Variants in TCEA3 observed in about 807,000 individuals in gnomAD.
TCEA3 encodes the protein transcription elongation factor A3.
TCEA3 carries 36 observed loss-of-function variants against 44.0 expected under a neutral mutation model. The ratio of observed to expected loss-of-function variants is 0.82; its 90% confidence interval spans 0.63 to 1.08. The LOEUF (loss-of-function observed/expected upper bound fraction) is 1.08, where lower values mean the gene tolerates loss of function less well. Among genes scored for constraint, TCEA3 ranks in the 50% least tolerant of loss-of-function variants. The pLI, the probability that TCEA3 is intolerant of heterozygous loss-of-function variation, is 0.00. For missense variants in TCEA3, 392 were observed against 441.2 expected, an observed-to-expected ratio of 0.89 and a Z score of 1.00; for synonymous variants, 162 against 159.7, an observed-to-expected ratio of 1.01 and a Z score of -0.11.
intron 5 of TCEA3, among the ~76,000 whole-genome samples, chr1:23,405,230 A>G (rs1045492108): frequency 6.6e-6 from 1 of 152,210 alleles, no homozygotes; most frequent in African/African-American, 2.4e-5. Context: ...CAATGAATGG[A>G]TGAAAGAACG....
intron 5 of TCEA3, among the ~76,000 whole-genome samples, chr1:23,400,373 C>T (rs1457103032): frequency 5.2e-5 from 7 of 133,494 alleles, no homozygotes; most frequent in African/African-American, 1.8e-4. Flanking sequence ...CCACACCAGG[C>T]TTTTTTTTTT....
intron 8 of TCEA3, among the ~76,000 whole-genome samples, chr1:23,390,195 G>A (rs902512957): frequency 2.6e-5 from 4 of 152,282 alleles, no homozygotes; most frequent in African/African-American, 4.8e-5. Flanking sequence ...AGGGCCGGGC[G>A]CAGTGGCTCA....
intron 10 of TCEA3, among the ~76,000 whole-genome samples, chr1:23,382,713 G>C (rs1570211945): frequency 6.6e-6 from 1 of 152,278 alleles, no homozygotes; most frequent in East Asian, 1.9e-4. Flanking sequence ...CAGCTCTGTG[G>C]GCTAGATATG....
chr1:23,397,497 C>G lies in TCEA3; in HGVS notation c.664+48G>C, dbSNP rs777990961. ...AGCTCGCTTGCACCTTGGATGGGTG[C>G]TGCTAGACGGTGCAGACACCCACAG... On this transcript the variant is annotated intron_variant, in intron 7 of 10. Transcript: ENST00000450454. 1.9e-5 allele frequency: 30 copies of G among 1,573,700 alleles called. No homozygotes were observed. In the South Asian group the frequency reaches 3.3e-4, roughly 17 times the overall value.
intron 5 of TCEA3, among the ~76,000 whole-genome samples, chr1:23,399,144 G>GTA (rs60424866): frequency 0.096 from 5,834 of 60,844 alleles, 259 homozygotes; most frequent in Admixed American, 0.14. Flanking sequence ...ATGTATATAT[G>GTA]TATATATATA....
At chr1:23,404,751 G>T (rs1159832475) in intron 5 of TCEA3, among the ~76,000 whole-genome samples, 1 of 152,004 alleles carries the variant, frequency 6.6e-6, no homozygotes, top group East Asian at 1.9e-4. Context: ...TTGAGCCCAG[G>T]AGTTCGAGAC....
At chr1:23,401,079 C>A (rs988856170) in intron 5 of TCEA3, among the ~76,000 whole-genome samples, 2 of 152,166 alleles carry the variant, frequency 1.3e-5, no homozygotes, top group Non-Finnish European at 2.9e-5. Context: ...CAGAGAATCC[C>A]ATCCAACATC....
chr1:23,422,968 G>GAATTTC (rs1398860390), intron 1 of TCEA3, among the ~76,000 whole-genome samples: 2 of 152,176 alleles, frequency 1.3e-5, no homozygotes, highest in Admixed American at 1.3e-4. Flanking sequence ...CAGGGGCCCA[G>GAATTTC]AATTTCTTTC....
At chr1:23,396,541 A>C (rs1313375002) in intron 7 of TCEA3, among the ~76,000 whole-genome samples, 2 of 152,086 alleles carry the variant, frequency 1.3e-5, no homozygotes, top group African/African-American at 4.8e-5. Flanking sequence ...AATACATGGA[A>C]TCCAAAGACA....
rs1281217652 is a variant in TCEA3, at chr1:23,408,734, A to G, written c.381-8T>C. 6.2e-7 allele frequency: 1 copy of G among 1,603,696 alleles called. No homozygotes were observed. Among genetic ancestry groups the G allele is most frequent in the Non-Finnish European group, 8.5e-7 (1 of 1,174,964 alleles). On this transcript the variant is annotated splice_region_variant and splice_polypyrimidine_tract_variant and intron_variant, in intron 4 of 10. Coordinates refer to ENST00000450454, the MANE Select transcript of TCEA3 (RefSeq NM_003196.3). ...GAGTCCACAGAGTCTCTCCTGAAAG[A>G]AGAAAATTGGCAAGGAGACTGCTTT... is the stretch of plus-strand genomic sequence containing the variant.
chr1:23,398,305 G>A (rs1639281640), intron 5 of TCEA3, among the ~76,000 whole-genome samples: 1 of 152,198 alleles, frequency 6.6e-6, no homozygotes, highest in South Asian at 2.1e-4. Context: ...ACTCATTATA[G>A]AACAGTGTAA....
chr1:23,397,062 A>G (rs1025080536), intron 7 of TCEA3, among the ~76,000 whole-genome samples: 4 of 151,998 alleles, frequency 2.6e-5, no homozygotes, highest in Non-Finnish European at 5.9e-5. Flanking sequence ...GGAGAAGGGA[A>G]AAGGCTGAGC....
chr1:23,417,510 A>C, intron 3 of TCEA3, 120 bp from the exon 4 acceptor site: 1 of 1,400,018 alleles, frequency 7.1e-7, no homozygotes, highest in South Asian at 1.5e-5. Context: ...CACTCCCAAC[A>C]CACACACAAA....
At chr1:23,407,758 T>C (rs749116144) in intron 5 of TCEA3, among the ~76,000 whole-genome samples, 3 of 152,012 alleles carry the variant, frequency 2.0e-5, no homozygotes, top group Non-Finnish European at 4.4e-5. Context: ...TTTTGTCTCT[T>C]TTGTGCATGT....
At chr1:23,398,682 C>A (rs1639292478) in intron 5 of TCEA3, among the ~76,000 whole-genome samples, 1 of 152,220 alleles carries the variant, frequency 6.6e-6, no homozygotes, top group South Asian at 2.1e-4. Context: ...AGGTACACCA[C>A]TGAGATTTGC....
At chr1:23,398,079 C>A in intron 5 of TCEA3, 124 bp from the exon 6 acceptor site, 1 of 1,156,440 alleles carries the variant, frequency 8.6e-7, no homozygotes, top group Non-Finnish European at 1.2e-6. Context: ...GAGGTAGGTA[C>A]TATTTTAGGC....
rs1639917769 is a variant in TCEA3 at position 23,417,223 on chromosome 1, C to A, written c.380+26G>T. The stretch of plus-strand genomic sequence containing the variant: ...AGAGGACGTGACAAGTGTCAGCTCC[C>A]TTCTCTCCATCCCAAAAAAGAATAC... On this transcript the variant is annotated intron_variant, in intron 4 of 10. Transcript: ENST00000450454. The A allele has an allele frequency of 4.3e-6, 7 of 1,610,320 alleles. 1 individual carries two copies. Among genetic ancestry groups the A allele is most frequent in the Non-Finnish European group, 5.9e-6 (7 of 1,178,826 alleles).
chr1:23,402,083 A>G (rs1029252552), intron 5 of TCEA3, among the ~76,000 whole-genome samples: 8 of 152,198 alleles, frequency 5.3e-5, no homozygotes, highest in Non-Finnish European at 1.0e-4. Context: ...GCTCATGCCT[A>G]AAGTCCCAGC....
chr1:23,424,550 ACT>A lies in TCEA3; in HGVS notation c.69+13_69+14del, dbSNP rs1640163522. ...CCCGGGGGCGGGGGCCGTGGCCCAA[ACT>A]CTGCAGCCTCACCGTGTTCTTCCTG... On this transcript the variant is annotated intron_variant, in intron 1 of 10. Transcript: ENST00000450454. 5 of 1,603,152 alleles carry A rather than the reference ACT, an allele frequency of 3.1e-6. No homozygotes were observed. In the African/African-American group the frequency reaches 5.4e-5, roughly 17 times the overall value.
Sources: gnomAD v4.1 joint callset for allele counts (sites outside exome capture counted in the v4.1 genomes callset) on GRCh38, gnomAD v4.1.1 for gene constraint, MANE v1.5 for transcripts, NCBI Gene and HGNC (gene_info 2026-07-23, HGNC 2026-07-21) for gene names.